Variants in CILK1 observed in about 807,000 individuals in gnomAD.
CILK1 encodes ciliogenesis associated kinase 1, also known as serine/threonine-protein kinase ICK.
A neutral mutation model predicts 79.2 loss-of-function variants in CILK1; 47 were observed. The ratio of observed to expected loss-of-function variants is 0.59; its 90% confidence interval spans 0.47 to 0.76. The LOEUF (loss-of-function observed/expected upper bound fraction) is 0.76. Among genes scored for constraint, CILK1 ranks in the 30% least tolerant of loss-of-function variants. The pLI, the probability that CILK1 is intolerant of heterozygous loss-of-function variation, is 0.00. For synonymous variants in CILK1, 266 were observed against 275.9 expected (o/e 0.96, Z 0.36); for missense variants, 660 against 769.5 (o/e 0.86, Z 1.68).
chr6:53,010,819 AC>A (rs1764528444), intron 11 of CILK1, among the ~76,000 whole-genome samples: 1 of 152,058 alleles, frequency 6.6e-6, no homozygotes, highest in African/African-American at 2.4e-5. Context: ...TCTCTCTCCC[AC>A]CACTAGCAGA....
At chr6:53,051,187 A>G (rs1346905927) in intron 1 of CILK1, among the ~76,000 whole-genome samples, 1 of 152,204 alleles carries the variant, frequency 6.6e-6, no homozygotes, top group Non-Finnish European at 1.5e-5. Context: ...TGGGCCACCA[A>G]TTTCTAAACT....
In CILK1 at chr6:53,056,109, C is replaced by T. The variant is rs181485030; in HGVS notation, c.-173+5487G>A. Among the ~76,000 whole-genome samples the T allele has an allele frequency of 5.3e-5, 8 of 152,232 alleles. No individual in the cohort carries two copies. The East Asian group carries it at 1.2e-3, about 22-fold the overall frequency. On this transcript the variant is annotated intron_variant, in intron 1 of 13. Coordinates refer to ENST00000676107, the MANE Select transcript of CILK1 (RefSeq NM_014920.5). ...TGATACTGGCAAATAAGTAGCTGGA[C>T]GTTACACAATAATACTTTACCTTTC...
At chr6:53,022,734 G>T (rs1765324102) in intron 5 of CILK1, among the ~76,000 whole-genome samples, 1 of 152,076 alleles carries the variant, frequency 6.6e-6, no homozygotes, top group Admixed American at 6.5e-5. Flanking sequence ...CTTCCATTAT[G>T]CCATTCTAAC....
In CILK1 at chr6:53,011,842, A is replaced by G. The variant is rs34168889; in HGVS notation, c.1419T>C (p.Tyr473=). 517 of 1,614,180 alleles carry G rather than the reference A, an allele frequency of 3.2e-4. 4 individuals carry two copies. In the African/African-American group the frequency reaches 5.7e-3, roughly 18 times the overall value. The change falls in exon 11 of 14, where the codon TAT becomes TAC. Residue 473 remains tyrosine (Y), a synonymous_variant. Transcript: ENST00000676107. ...TGNSAPTQTS[Y]QRRDTPTLRS... is the part of the protein sequence containing the mutation. The stretch of plus-strand genomic sequence containing the variant: ...TCAGGGTGGGCGTGTCTCGCCGCTG[A>G]TATGACGTCTGGGTGGGGGCACTGT...
chr6:53,006,235 C>A (rs1249562056), intron 13 of CILK1, 80 bp downstream of exon 13: 7 of 1,405,572 alleles, frequency 5.0e-6, no homozygotes, highest in Non-Finnish European at 7.0e-6. Context: ...GATCCCAGGC[C>A]TAAAACATGC....
intron 5 of CILK1, among the ~76,000 whole-genome samples, chr6:53,022,667 T>G (rs570314495): frequency 6.6e-5 from 10 of 152,368 alleles, no homozygotes; most frequent in Non-Finnish European, 5.9e-5. Context: ...TTACTCCTTT[T>G]TGTCTACATC....
chr6:53,057,998 G>C (rs1351814746), intron 1 of CILK1, among the ~76,000 whole-genome samples: 1 of 152,148 alleles, frequency 6.6e-6, no homozygotes, highest in Non-Finnish European at 1.5e-5. Flanking sequence ...GACTTCACAT[G>C]TCAACATATG....
intron 11 of CILK1, 92 bp downstream of exon 11, chr6:53,011,677 C>G (rs941841624): frequency 1.6e-6 from 2 of 1,225,144 alleles, no homozygotes; most frequent in African/African-American, 3.0e-5. Flanking sequence ...CCCCTAGTAT[C>G]TGCCTTCTAA....
chr6:53,054,581 G>A (rs1767718016), intron 1 of CILK1: 1 of 152,312 alleles, frequency 6.6e-6, no homozygotes, highest in Non-Finnish European at 1.5e-5. Context: ...AATAGCTGGG[G>A]CAGGCAGGCA....
chr6:53,059,670 G>A (rs910711183), intron 1 of CILK1, among the ~76,000 whole-genome samples: 1 of 152,216 alleles, frequency 6.6e-6, no homozygotes, highest in Non-Finnish European at 1.5e-5. Context: ...ATGCTGAAAT[G>A]AAAAGAGGAT....
chr6:53,051,481 C>T (rs1046224565), intron 1 of CILK1, among the ~76,000 whole-genome samples: 1 of 152,136 alleles, frequency 6.6e-6, no homozygotes, highest in Non-Finnish European at 1.5e-5. Flanking sequence ...TTGTCTCTTC[C>T]AGCTTCTGGT....
intron 8 of CILK1, among the ~76,000 whole-genome samples, chr6:53,014,499 G>A (rs1185319305): frequency 2.0e-5 from 3 of 152,330 alleles, no homozygotes; most frequent in Middle Eastern, 3.4e-3. Context: ...GAACAAAACC[G>A]TGTCAGTTGT....
Position 53,006,312 on chromosome 6 carries a change from C to T in CILK1, c.1744+3G>A, listed in dbSNP as rs1764216599. 2 of 1,613,226 alleles carry T rather than the reference C, an allele frequency of 1.2e-6. No individual in the cohort carries two copies. The highest frequency in any genetic ancestry group is 1.3e-5 in the African/African-American group (1 of 74,884). On this transcript the variant is annotated splice_donor_region_variant and intron_variant, in intron 13 of 13. Coordinates refer to ENST00000676107, the MANE Select transcript of CILK1 (RefSeq NM_014920.5). ...TTCATGAATAATTTAAAATACAACT[C>T]ACCAGGGGAAGGGTCTGGAATAGGT...
chr6:53,009,801 C>T (rs1361792211), intron 11 of CILK1, among the ~76,000 whole-genome samples: 2 of 152,200 alleles, frequency 1.3e-5, no homozygotes, highest in Non-Finnish European at 2.9e-5. Context: ...ATCTGTCCCA[C>T]CTCTTGGCCC....
chr6:53,005,078 T>G lies in CILK1; in HGVS notation c.*71A>C. 6.4e-7 allele frequency: 1 copy of G among 1,561,708 alleles called. No homozygotes were observed. The highest frequency in any genetic ancestry group is 8.8e-7 in the Non-Finnish European group (1 of 1,135,548). ...TTATGCCCTCTGCACATCTTGCAGG[T>G]AGAACACCAGTCAGCTGAGGGAAAG... On this transcript the variant is annotated 3_prime_UTR_variant, in exon 14 of 14. Coordinates refer to ENST00000676107, the MANE Select transcript of CILK1 (RefSeq NM_014920.5).
chr6:53,018,203 A>G (rs1765002795), intron 7 of CILK1, 127 bp downstream of exon 7: 3 of 895,402 alleles, frequency 3.4e-6, no homozygotes, highest in Non-Finnish European at 5.5e-6. Flanking sequence ...GTGGAGAATG[A>G]CTGAGGTCAA....
intron 1 of CILK1, among the ~76,000 whole-genome samples, chr6:53,047,404 A>C (rs964139031): frequency 1.1e-4 from 16 of 151,164 alleles, no homozygotes; most frequent in East Asian, 1.9e-4. Flanking sequence ...TCCTAGGCCC[A>C]AGTAATCCTC....
rs144277229 is a variant in CILK1 at position 53,056,897 on chromosome 6, G to A, written c.-173+4699C>T. On this transcript the variant is annotated intron_variant, in intron 1 of 13. Transcript: ENST00000676107. ...TTTGCAAACTGGACAACTGTACTGG[G>A]ACTAGGGTACCAAAATTATGACTCC... is the stretch of plus-strand genomic sequence containing the variant. 9.4e-3 allele frequency among the ~76,000 whole-genome samples: 1,425 copies of A among 152,230 alleles called. 16 individuals are homozygous for A. Among genetic ancestry groups the A allele is most frequent in the Middle Eastern group, 0.041 (12 of 294 alleles).
At chr6:53,018,915 G>A (rs1038579492) in intron 6 of CILK1, among the ~76,000 whole-genome samples, 5 of 152,186 alleles carry the variant, frequency 3.3e-5, no homozygotes, top group African/African-American at 1.2e-4. Context: ...TTTCACAATA[G>A]CAATTAGATG....
Sources: gnomAD v4.1 joint callset for allele counts (sites outside exome capture counted in the v4.1 genomes callset) on GRCh38, gnomAD v4.1.1 for gene constraint, MANE v1.5 for transcripts, NCBI Gene and HGNC (gene_info 2026-07-23, HGNC 2026-07-21) for gene names.